Variants in NRG1 observed in about 807,000 individuals in gnomAD.
The protein encoded by NRG1 is neuregulin 1.
Under a neutral mutation model 63.8 loss-of-function variants are expected in NRG1, and 18 were observed. The observed-to-expected ratio is 0.28, with a 90% CI of 0.19 to 0.42. The LOEUF (loss-of-function observed/expected upper bound fraction) is 0.42. Among genes scored for constraint, NRG1 ranks in the 10% least tolerant of loss-of-function variants. The pLI is 1.00. For synonymous variants in NRG1, 302 were observed against 301.3 expected (o/e 1.00, Z -0.02); for missense variants, 762 against 814.7 (o/e 0.94, Z 0.79).
intron 11 of NRG1, chr8:32,763,393 G>A (rs1316989568): frequency 5.1e-5 from 82 of 1,606,380 alleles, no homozygotes; most frequent in Admixed American, 5.0e-4. Context: ...TTTCCCTTCC[G>A]AATCCCTGAG....
chr8:32,171,214 G>C (rs927805683), intron 1 of NRG1, among the ~76,000 whole-genome samples: 13 of 152,180 alleles, frequency 8.5e-5, no homozygotes, highest in Admixed American at 3.9e-4. Context: ...AAATGAAATT[G>C]TTCAGCAAAT....
intron 1 of NRG1, among the ~76,000 whole-genome samples, chr8:32,552,831 A>G (rs1215387814): frequency 6.6e-6 from 1 of 152,176 alleles, no homozygotes; most frequent in Non-Finnish European, 1.5e-5. Context: ...GAGGAGAAAA[A>G]ATATATATAG....
chr8:31,670,274 G>A (rs896682649), intron 1 of NRG1, among the ~76,000 whole-genome samples: 1 of 152,122 alleles, frequency 6.6e-6, no homozygotes, highest in Non-Finnish European at 1.5e-5. Context: ...CACCACTGCT[G>A]TGTTCTAGTT....
At chr8:32,512,543 C>T (rs1829338349) in intron 1 of NRG1, among the ~76,000 whole-genome samples, 1 of 152,134 alleles carries the variant, frequency 6.6e-6, no homozygotes. Flanking sequence ...CTTCTAAGTG[C>T]CATTATCTCA....
intron 1 of NRG1, among the ~76,000 whole-genome samples, chr8:31,693,264 G>C (rs1473699497): frequency 6.6e-6 from 1 of 152,118 alleles, no homozygotes; most frequent in Non-Finnish European, 1.5e-5. Context: ...TTTACGATAA[G>C]AAAATTCTAT....
chr8:32,180,524 A>C (rs1364067628), intron 1 of NRG1, among the ~76,000 whole-genome samples: 6 of 151,708 alleles, frequency 4.0e-5, no homozygotes, highest in Non-Finnish European at 8.8e-5. Flanking sequence ...AAGATCTACT[A>C]ACAGGGCTAA....
At chr8:31,658,058 A>AT (rs1164539612) in intron 1 of NRG1, among the ~76,000 whole-genome samples, 7 of 152,340 alleles carry the variant, frequency 4.6e-5, no homozygotes, top group African/African-American at 1.7e-4. Context: ...TTTTGAGAGT[A>AT]GTAAAATCAG....
intron 1 of NRG1, among the ~76,000 whole-genome samples, chr8:31,909,161 A>T (rs1305242013): frequency 6.6e-6 from 1 of 152,216 alleles, no homozygotes; most frequent in Non-Finnish European, 1.5e-5. Context: ...CCAAATAAGA[A>T]TTATCAAGAA....
chr8:31,875,092 CT>C (rs1829804316), intron 1 of NRG1, among the ~76,000 whole-genome samples: 1 of 152,136 alleles, frequency 6.6e-6, no homozygotes. Flanking sequence ...GTTGAGGAAG[CT>C]GCCTTTCCCC....
At chr8:32,037,662 G>C (rs971222382) in intron 1 of NRG1, among the ~76,000 whole-genome samples, 1 of 152,190 alleles carries the variant, frequency 6.6e-6, no homozygotes, top group African/African-American at 2.4e-5. Flanking sequence ...ACGCAGGTAG[G>C]AGGAATGGGT....
At chr8:32,156,420 T>C (rs1467849672) in intron 1 of NRG1, among the ~76,000 whole-genome samples, 2 of 152,274 alleles carry the variant, frequency 1.3e-5, no homozygotes, top group African/African-American at 2.4e-5. Context: ...TTTTAGATTA[T>C]GCTTTGCTTT....
intron 1 of NRG1, among the ~76,000 whole-genome samples, chr8:32,422,936 C>G (rs1816876002): frequency 6.6e-6 from 1 of 152,204 alleles, no homozygotes; most frequent in Admixed American, 6.5e-5. Flanking sequence ...CAAACTTTCA[C>G]ATGGTTTAAA....
chr8:32,334,873 C>A (rs1217077341), intron 1 of NRG1, among the ~76,000 whole-genome samples: 1 of 152,094 alleles, frequency 6.6e-6, no homozygotes, highest in African/African-American at 2.4e-5. Context: ...GTTCTTTTGG[C>A]AAATCTCCGT....
At chr8:31,855,555 A>G (rs1210411813) in intron 1 of NRG1, among the ~76,000 whole-genome samples, 1 of 151,984 alleles carries the variant, frequency 6.6e-6, no homozygotes, top group Non-Finnish European at 1.5e-5. Context: ...ATGGGTCTTG[A>G]CTTTTTATCC....
chr8:31,809,741 G>GTTTTTTTTTTTTTTTT (rs753730069), intron 1 of NRG1, among the ~76,000 whole-genome samples: 1 of 68,018 alleles, frequency 1.5e-5, no homozygotes, highest in African/African-American at 6.6e-5. Context: ...TCTATTAATT[G>GTTTTTTTTTTTTTTTT]TTTTTTTTTT....
At chr8:32,339,852 CTAAA>C (rs1483645495) in intron 1 of NRG1, among the ~76,000 whole-genome samples, 2 of 152,098 alleles carry the variant, frequency 1.3e-5, no homozygotes, top group African/African-American at 4.8e-5. Flanking sequence ...CCTTGAAATG[CTAAA>C]TAGTCTACAT....
intron 1 of NRG1, among the ~76,000 whole-genome samples, chr8:32,468,263 G>A (rs1195611773): frequency 2.6e-5 from 4 of 152,224 alleles, no homozygotes; most frequent in South Asian, 4.1e-4. Flanking sequence ...CCTTATAAGC[G>A]ATTAATCTTA....
intron 5 of NRG1, among the ~76,000 whole-genome samples, chr8:32,642,066 C>A (rs1186126560): frequency 4.6e-5 from 7 of 152,030 alleles, no homozygotes; most frequent in Admixed American, 6.6e-5. Flanking sequence ...TAAATTAATT[C>A]AAGGCATACT....
intron 1 of NRG1, among the ~76,000 whole-genome samples, chr8:32,061,242 A>G (rs1481752678): frequency 6.6e-6 from 1 of 151,994 alleles, no homozygotes; most frequent in Non-Finnish European, 1.5e-5. Flanking sequence ...CTTTGATAAC[A>G]TGTCTTTAAT....
Sources: gnomAD v4.1 joint callset for allele counts (sites outside exome capture counted in the v4.1 genomes callset) on GRCh38, gnomAD v4.1.1 for gene constraint, MANE v1.5 for transcripts, NCBI Gene and HGNC (gene_info 2026-07-23, HGNC 2026-07-21) for gene names.